Variants in DENND1A observed in about 807,000 individuals in gnomAD.
DENND1A encodes the protein DENN domain containing 1A, also known as DENN domain-containing protein 1A.
DENND1A carries 51 observed loss-of-function variants against 113.7 expected under a neutral mutation model. That is an observed-to-expected ratio of 0.45 (90% CI 0.36 to 0.57). The LOEUF is 0.57. Ranked by LOEUF, DENND1A falls within the 20% of genes least tolerant of loss-of-function variation. DENND1A has a pLI of 0.00. For missense variants in DENND1A, 1,258 were observed against 1,395.9 expected, an observed-to-expected ratio of 0.90 and a Z score of 1.57; for synonymous variants, 565 against 570.8, an observed-to-expected ratio of 0.99 and a Z score of 0.14.
intron 5 of DENND1A, among the ~76,000 whole-genome samples, chr9:123,747,640 T>A (rs559940322): frequency 3.9e-5 from 6 of 152,286 alleles, no homozygotes; most frequent in Admixed American, 3.9e-4. Flanking sequence ...AAAAATTCCA[T>A]AAGTTTACGT....
intron 19 of DENND1A, among the ~76,000 whole-genome samples, chr9:123,421,292 G>A (rs1010262329): frequency 1.6e-4 from 25 of 151,780 alleles, no homozygotes; most frequent in African/African-American, 3.9e-4. Flanking sequence ...TGAAGAAACC[G>A]AGGCCATGTC....
chr9:123,600,259 C>T (rs2059884426), intron 11 of DENND1A, among the ~76,000 whole-genome samples: 1 of 152,162 alleles, frequency 6.6e-6, no homozygotes, highest in African/African-American at 2.4e-5. Flanking sequence ...CAATTCTACA[C>T]CTAAATAATA....
chr9:123,497,907 CA>C (rs1195510000), intron 13 of DENND1A, among the ~76,000 whole-genome samples: 3 of 151,942 alleles, frequency 2.0e-5, no homozygotes, highest in African/African-American at 7.3e-5. Flanking sequence ...TAAGCAAAGC[CA>C]CAAAAGGAGC....
intron 3 of DENND1A, among the ~76,000 whole-genome samples, chr9:123,788,115 C>G (rs535516354): frequency 6.6e-6 from 1 of 152,208 alleles, no homozygotes; most frequent in African/African-American, 2.4e-5. Context: ...CTAATTGCCA[C>G]TCTTAGAAAA....
chr9:123,756,038 G>A (rs1389484843), intron 5 of DENND1A, among the ~76,000 whole-genome samples: 1 of 152,172 alleles, frequency 6.6e-6, no homozygotes, highest in East Asian at 1.9e-4. Flanking sequence ...AGCCTCCCAA[G>A]TAGCTGGGAT....
chr9:123,769,449 T>A, intron 4 of DENND1A, 65 bp downstream of exon 4: 1 of 1,390,444 alleles, frequency 7.2e-7, no homozygotes, highest in Admixed American at 2.1e-5. Context: ...ATGGTATGGT[T>A]TTTATTTTCT....
At chr9:123,627,757 A>AAAAAAGAG (rs1366495919) in intron 10 of DENND1A, among the ~76,000 whole-genome samples, 2 of 144,362 alleles carry the variant, frequency 1.4e-5, no homozygotes, top group East Asian at 4.0e-4. Flanking sequence ...AAAAAAAAAA[A>AAAAAAGAG]AGAGAGAGAG....
intron 12 of DENND1A, among the ~76,000 whole-genome samples, chr9:123,561,467 CA>C (rs1205635200): frequency 1.3e-5 from 2 of 152,210 alleles, no homozygotes; most frequent in Non-Finnish European, 2.9e-5. Context: ...GCCAGCACCT[CA>C]AACTTTGAAA....
At chr9:123,894,991 T>C (rs183135713) in intron 1 of DENND1A, among the ~76,000 whole-genome samples, 1 of 151,340 alleles carries the variant, frequency 6.6e-6, no homozygotes, top group Non-Finnish European at 1.5e-5. Flanking sequence ...TGAATGCTCA[T>C]GCAGAGGCTG....
intron 3 of DENND1A, among the ~76,000 whole-genome samples, chr9:123,787,924 A>G (rs1196935813): frequency 2.0e-5 from 3 of 152,150 alleles, no homozygotes; most frequent in African/African-American, 7.2e-5. Context: ...TGGTTTCATT[A>G]TAACACTCTG....
chr9:123,412,265 G>C (rs1431048404), intron 19 of DENND1A, among the ~76,000 whole-genome samples: 1 of 152,354 alleles, frequency 6.6e-6, no homozygotes, highest in South Asian at 2.1e-4. Context: ...ACCCATGCCT[G>C]CCCTGGGCAG....
intron 11 of DENND1A, among the ~76,000 whole-genome samples, chr9:123,604,491 A>G (rs937110578): frequency 6.6e-6 from 1 of 152,184 alleles, no homozygotes; most frequent in African/African-American, 2.4e-5. Flanking sequence ...CGTACACAGA[A>G]AGCTCTCAAA....
chr9:123,884,522 ACCC>A (rs935965339), intron 1 of DENND1A, among the ~76,000 whole-genome samples: 1 of 150,444 alleles, frequency 6.6e-6, no homozygotes, highest in African/African-American at 2.5e-5. Flanking sequence ...TTTGCCTCCC[ACCC>A]CCCATCTTCT....
At chr9:123,672,877 A>C (rs983372380) in intron 6 of DENND1A, among the ~76,000 whole-genome samples, 1 of 152,244 alleles carries the variant, frequency 6.6e-6, no homozygotes, top group Admixed American at 6.5e-5. Flanking sequence ...AATAATCTGG[A>C]AATTAACACT....
intron 2 of DENND1A, among the ~76,000 whole-genome samples, chr9:123,834,054 C>CA (rs936785259): frequency 5.0e-4 from 76 of 151,394 alleles, no homozygotes; most frequent in African/African-American, 1.4e-3. Flanking sequence ...GACTCTGTCT[C>CA]AAAAAAAACA....
At chr9:123,472,224 G>C (rs888238604) in intron 13 of DENND1A, among the ~76,000 whole-genome samples, 2 of 152,120 alleles carry the variant, frequency 1.3e-5, no homozygotes, top group Non-Finnish European at 2.9e-5. Context: ...GGGTGACTGA[G>C]GTGACTCTGT....
At chr9:123,486,913 C>T (rs2050924995) in intron 13 of DENND1A, among the ~76,000 whole-genome samples, 1 of 152,150 alleles carries the variant, frequency 6.6e-6, no homozygotes, top group South Asian at 2.1e-4. Context: ...GGCATGCGAC[C>T]CTGGGAGCCG....
At chr9:123,903,138 C>A (rs1334274016) in intron 1 of DENND1A, among the ~76,000 whole-genome samples, 1 of 151,100 alleles carries the variant, frequency 6.6e-6, no homozygotes, top group African/African-American at 2.4e-5. Context: ...CGAGACCATC[C>A]CGGCTAAAAC....
intron 1 of DENND1A, among the ~76,000 whole-genome samples, chr9:123,891,828 G>A (rs957223164): frequency 6.6e-6 from 1 of 152,132 alleles, no homozygotes; most frequent in Non-Finnish European, 1.5e-5. Context: ...CTCGAACAAT[G>A]TTTTTCAAGA....
Sources: allele counts gnomAD v4.1 joint callset (sites outside exome capture counted in the v4.1 genomes callset), GRCh38; gene constraint gnomAD v4.1.1; transcripts MANE v1.5; gene names NCBI Gene and HGNC (gene_info 2026-07-23, HGNC 2026-07-21).